COL25A1: variants seen among roughly 807,000 people sequenced by gnomAD.
COL25A1 encodes the protein collagen type XXV alpha 1 chain.
In COL25A1, 103 loss-of-function variants were observed where a neutral mutation model predicts 128.4. The ratio of observed to expected loss-of-function variants is 0.80; its 90% CI spans 0.68 to 0.94. COL25A1 has a LOEUF of 0.94. COL25A1 is among the 40% of genes least tolerant of loss of function. COL25A1 has a pLI of 0.00. For missense variants in COL25A1, 745 were observed against 840.0 expected (o/e 0.89, Z 1.40); for synonymous variants, 279 against 277.2 (o/e 1.01, Z -0.06).
intron 5 of COL25A1, among the ~76,000 whole-genome samples, chr4:109,015,813 C>G (rs1177066966): frequency 1.3e-5 from 2 of 152,232 alleles, no homozygotes; most frequent in Non-Finnish European, 2.9e-5. Flanking sequence ...ATGAGATGAC[C>G]TATCACAGGA....
At chr4:108,926,931 C>T (rs374056752) in intron 11 of COL25A1, among the ~76,000 whole-genome samples, 3 of 151,904 alleles carry the variant, frequency 2.0e-5, no homozygotes. Context: ...TAAGAGAGTG[C>T]ACTGCAATGT....
chr4:109,268,097 T>C (rs1432305980), intron 3 of COL25A1, among the ~76,000 whole-genome samples: 1 of 152,178 alleles, frequency 6.6e-6, no homozygotes, highest in Non-Finnish European at 1.5e-5. Context: ...AACTCACATT[T>C]GAACATGTTA....
intron 3 of COL25A1, among the ~76,000 whole-genome samples, chr4:109,139,721 G>A (rs1443132964): frequency 1.3e-5 from 2 of 152,002 alleles, no homozygotes; most frequent in Non-Finnish European, 2.9e-5. Flanking sequence ...TGTGCACAAT[G>A]TGTAGGTTAG....
chr4:108,999,446 A>C (rs138909656), intron 6 of COL25A1, among the ~76,000 whole-genome samples: 32,726 of 152,048 alleles, frequency 0.22, 3,598 homozygotes, highest in Non-Finnish European at 0.24. Flanking sequence ...GAATGGCAAT[A>C]ATTAAAAAGT....
intron 3 of COL25A1, among the ~76,000 whole-genome samples, chr4:109,195,629 A>G (rs1775978899): frequency 6.6e-6 from 1 of 152,210 alleles, no homozygotes; most frequent in South Asian, 2.1e-4. Context: ...TCACCGAAGT[A>G]AAGTCCACAA....
chr4:108,839,864 A>G (rs756308969), intron 31 of COL25A1, among the ~76,000 whole-genome samples: 11 of 152,210 alleles, frequency 7.2e-5, no homozygotes, highest in Non-Finnish European at 1.3e-4. Context: ...GTGATGGCAT[A>G]TCTGAATCAC....
At chr4:109,209,236 ATTTC>A (rs1777297877) in intron 3 of COL25A1, among the ~76,000 whole-genome samples, 1 of 152,266 alleles carries the variant, frequency 6.6e-6, no homozygotes, top group East Asian at 1.9e-4. Flanking sequence ...GCTAGTATCT[ATTTC>A]TATTTCCAAA....
At chr4:109,272,443 T>A (rs2126266216) in intron 3 of COL25A1, among the ~76,000 whole-genome samples, 1 of 152,292 alleles carries the variant, frequency 6.6e-6, no homozygotes, top group South Asian at 2.1e-4. Context: ...AATCATTTAA[T>A]CCAATTCCCT....
At chr4:109,158,406 C>A (rs1381278277) in intron 3 of COL25A1, among the ~76,000 whole-genome samples, 2 of 151,964 alleles carry the variant, frequency 1.3e-5, no homozygotes, top group Non-Finnish European at 2.9e-5. Flanking sequence ...AAGCTGTATT[C>A]TTCTATATAG....
chr4:109,220,111 T>C lies in COL25A1; in HGVS notation c.367+80472A>G, dbSNP rs568811073. Among the ~76,000 whole-genome samples, 140 of 152,250 alleles carry C rather than the reference T, an allele frequency of 9.2e-4. 1 individual carries two copies. The highest frequency in any genetic ancestry group is 1.6e-3 in the Non-Finnish European group (111 of 68,010). ...CCAACTGCTTTGAGTTCTCAATCAA[T>C]TGAGTCTTTGTATATTCTATAAGGG... is the stretch of plus-strand genomic sequence containing the variant. On this transcript the variant is annotated intron_variant, in intron 3 of 37. Coordinates refer to ENST00000399132, the MANE Select transcript of COL25A1 (RefSeq NM_198721.4).
chr4:108,845,349 T>G (rs1734964809), intron 28 of COL25A1, 98 bp from the exon 29 acceptor site: 1 of 890,126 alleles, frequency 1.1e-6, no homozygotes, highest in African/African-American at 1.7e-5. Context: ...TCTTGACATT[T>G]TATAATATTA....
intron 10 of COL25A1, among the ~76,000 whole-genome samples, chr4:108,938,279 C>T (rs1169197215): frequency 6.6e-6 from 1 of 152,048 alleles, no homozygotes; most frequent in African/African-American, 2.4e-5. Context: ...TTATCATTTT[C>T]TTATATTCAG....
intron 6 of COL25A1, 22 bp from the exon 7 acceptor site, chr4:108,974,581 A>G (rs1319740281): frequency 1.3e-6 from 2 of 1,586,236 alleles, no homozygotes; most frequent in Non-Finnish European, 1.7e-6. Flanking sequence ...AAAGAGAAAA[A>G]AAATTTTAAT....
chr4:108,974,383 C>A lies in COL25A1; in HGVS notation c.476G>T (p.Gly159Val). ...ACAACTTACCCTAGGTCCCTGATCA[C>A]CTTGTTCTCCCTGTAGAATAGAAAG... is the stretch of plus-strand genomic sequence containing the variant. ...PGPKGDKGEQ[G>V]DQGPRMVFPK... The change falls in exon 8 of 38, where the codon GGT (glycine) becomes GTT (valine). Residue 159 changes from glycine (G) to valine (V), a missense_variant. By Grantham distance (109) the Gly-to-Val change is moderately radical (BLOSUM62 -3). This residue lies in a region of COL25A1 where 319 missense variants were observed against 324.9 expected (regional missense o/e 0.98). Coordinates refer to ENST00000399132, the MANE Select transcript of COL25A1 (RefSeq NM_198721.4). 2 of 1,613,902 alleles carry A rather than the reference C, an allele frequency of 1.2e-6. No homozygotes were observed. The highest frequency in any genetic ancestry group is 1.7e-6 in the Non-Finnish European group (2 of 1,179,894).
At chr4:108,951,390 C>CT (rs753653517) in intron 8 of COL25A1, among the ~76,000 whole-genome samples, 128 of 139,214 alleles carry the variant, frequency 9.2e-4, no homozygotes, top group Admixed American at 1.2e-3. Context: ...CTTTTTTTTT[C>CT]TTTTTTTTTT....
intron 3 of COL25A1, among the ~76,000 whole-genome samples, chr4:109,098,410 C>T (rs1025202280): frequency 2.0e-5 from 3 of 152,178 alleles, no homozygotes; most frequent in African/African-American, 7.2e-5. Flanking sequence ...CCAGCACCTG[C>T]TTTAATCAAG....
intron 5 of COL25A1, among the ~76,000 whole-genome samples, chr4:109,041,361 A>AC (rs1171587745): frequency 1.5e-5 from 2 of 131,848 alleles, no homozygotes; most frequent in African/African-American, 6.0e-5. Flanking sequence ...AATTTATGTC[A>AC]CCCCCTTTTT....
chr4:108,913,725 A>G (rs1578749078), intron 13 of COL25A1, among the ~76,000 whole-genome samples: 2 of 152,242 alleles, frequency 1.3e-5, no homozygotes, highest in African/African-American at 4.8e-5. Flanking sequence ...AGATTTTTAA[A>G]AACCAACATC....
intron 11 of COL25A1, among the ~76,000 whole-genome samples, chr4:108,924,037 G>A (rs1745763271): frequency 6.6e-6 from 1 of 151,896 alleles, no homozygotes; most frequent in African/African-American, 2.4e-5. Context: ...TCAACATATT[G>A]AGCTATATTT....
Sources: gnomAD v4.1 joint callset for allele counts (sites outside exome capture counted in the v4.1 genomes callset) on GRCh38, gnomAD v4.1.1 for gene constraint, gnomAD v4.1.1 regional missense constraint, MANE v1.5 for transcripts, NCBI Gene and HGNC (gene_info 2026-07-23, HGNC 2026-07-21) for gene names.